Variants in GALNT7 observed in about 807,000 individuals in gnomAD.
GALNT7 encodes N-acetylgalactosaminyltransferase 7.
GALNT7 carries 60 observed loss-of-function variants against 82.1 expected under a neutral mutation model. That is an observed-to-expected ratio of 0.73 (90% confidence interval 0.59 to 0.91). The LOEUF is 0.91. Ranked by LOEUF, GALNT7 falls within the 40% of genes least tolerant of loss-of-function variation. The pLI, the probability that GALNT7 is intolerant of heterozygous loss-of-function variation, is 0.00. For missense variants in GALNT7, 660 were observed against 804.2 expected, an observed-to-expected ratio of 0.82 and a Z score of 2.17; for synonymous variants, 243 against 275.1, an observed-to-expected ratio of 0.88 and a Z score of 1.15.
chr4:173,279,859 C>T (rs1438827142), intron 2 of GALNT7, among the ~76,000 whole-genome samples: 1 of 152,072 alleles, frequency 6.6e-6, no homozygotes, highest in African/African-American at 2.4e-5. Context: ...CCTGTAGTCC[C>T]AGCTCTTCGG....
At chr4:173,227,746 T>C (rs911604929) in intron 1 of GALNT7, among the ~76,000 whole-genome samples, 3 of 152,232 alleles carry the variant, frequency 2.0e-5, no homozygotes, top group African/African-American at 7.2e-5. Flanking sequence ...TTCTCATTGC[T>C]TTTAAGTGAT....
intron 2 of GALNT7, among the ~76,000 whole-genome samples, chr4:173,288,282 C>CAAAAAAAAAAA (rs70944442): frequency 1.5e-3 from 97 of 62,950 alleles, no homozygotes; most frequent in African/African-American, 5.3e-3. Flanking sequence ...GACTCCATCT[C>CAAAAAAAAAAA]AAAAAAAAAA....
At chr4:173,198,620 T>G (rs917813467) in intron 1 of GALNT7, among the ~76,000 whole-genome samples, 1 of 152,232 alleles carries the variant, frequency 6.6e-6, no homozygotes, top group Non-Finnish European at 1.5e-5. Flanking sequence ...GGAATGTAAC[T>G]TTCTCTAACC....
chr4:173,322,710 G>A lies in GALNT7; in HGVS notation c.*993G>A, dbSNP rs2126882615. 1.3e-5 allele frequency: 2 copies of A among 152,296 alleles called. 1 individual carries two copies. The highest frequency in any genetic ancestry group is 4.1e-4 in the South Asian group (2 of 4,828). 9.4% of individuals were successfully genotyped at this position (152,296 alleles called of 1,614,324 possible). The stretch of plus-strand genomic sequence containing the variant: ...ACATCAAAGGTTCATTCTGACTGAG[G>A]TAAGACTTTCCAAGCCCTTGTTAGA... On this transcript the variant is annotated 3_prime_UTR_variant, in exon 12 of 12. Coordinates refer to ENST00000265000, the MANE Select transcript of GALNT7 (RefSeq NM_017423.3).
rs1737910007 is a variant in GALNT7, at chr4:173,323,821, T to C, written c.*2104T>C. On this transcript the variant is annotated 3_prime_UTR_variant, in exon 12 of 12. Transcript: ENST00000265000. The stretch of plus-strand genomic sequence containing the variant: ...CTACACATTTTATAAATTTGATTTA[T>C]GCAGATTTTGATACACTGTATGTTT... 1 of 152,642 alleles carries C rather than the reference T, an allele frequency of 6.6e-6. No individual in the cohort carries two copies. The highest frequency in any genetic ancestry group is 6.5e-5 in the Admixed American group (1 of 15,284). The allele number at this position is 152,642 out of a possible 1,614,324, so 9.5% of individuals were successfully genotyped here. A position where few individuals can be genotyped will look rare whatever the true frequency, so the allele number is the denominator to read the frequency against.
intron 2 of GALNT7, among the ~76,000 whole-genome samples, chr4:173,286,103 C>T (rs1021972726): frequency 4.6e-5 from 7 of 152,298 alleles, no homozygotes; most frequent in Middle Eastern, 3.4e-3. Context: ...ACCCATAGCT[C>T]GGATATCCAC....
intron 2 of GALNT7, among the ~76,000 whole-genome samples, chr4:173,268,530 G>GTT (rs60894562): frequency 0.37 from 19,544 of 52,330 alleles, 8,850 homozygotes; most frequent in East Asian, 0.63. Flanking sequence ...TTTCTCTCTC[G>GTT]TTTTTTTTTT....
At chr4:173,212,502 GACTA>G (rs1189827945) in intron 1 of GALNT7, among the ~76,000 whole-genome samples, 7 of 152,222 alleles carry the variant, frequency 4.6e-5, no homozygotes, top group African/African-American at 1.4e-4. Context: ...AGATTATCTA[GACTA>G]ACTGTCTTTT....
Position 173,318,455 on chromosome 4 carries a change from C to A in GALNT7, c.1732C>A (p.Gln578Lys). ...NQLFRINEANQLMQYDQCLTK... is the reference protein window; with the variant it reads ...NQLFRINEANKLMQYDQCLTK... The stretch of plus-strand genomic sequence containing the variant: ...GCTTTTCAGAATCAATGAAGCAAAT[C>A]AACTCATGCAGTATGACCAGTGTTT... The change falls in exon 11 of 12, where the codon CAA (glutamine) becomes AAA (lysine). Residue 578 changes from glutamine (Q) to lysine (K), a missense_variant. Transcript: ENST00000265000. 1 of 1,602,808 alleles carries A rather than the reference C, an allele frequency of 6.2e-7. No homozygotes were observed. The highest frequency in any genetic ancestry group is 8.5e-7 in the Non-Finnish European group (1 of 1,173,858).
chr4:173,183,821 G>T (rs1029961512), intron 1 of GALNT7, among the ~76,000 whole-genome samples: 2 of 150,866 alleles, frequency 1.3e-5, no homozygotes, highest in Non-Finnish European at 3.0e-5. Flanking sequence ...GCCGGGCGGG[G>T]ACTGTCCCCC....
chr4:173,172,698 GT>G (rs1405018556), intron 1 of GALNT7, among the ~76,000 whole-genome samples: 3 of 152,160 alleles, frequency 2.0e-5, no homozygotes, highest in African/African-American at 7.2e-5. Flanking sequence ...TAATCTGGAA[GT>G]GGGTGGCAGC....
chr4:173,292,284 G>A lies in GALNT7; in HGVS notation c.754+10G>A, dbSNP rs199755438. ...GATTTCAGTAATAAAGGTAATGGCT[G>A]TGAAACTCACATTTTGTCTATAAAA... On this transcript the variant is annotated intron_variant, in intron 3 of 11. Transcript: ENST00000265000. The surrounding 1 kb of genome is among the most constrained non-coding windows in gnomAD (Gnocchi z 4.8). 3.5e-4 allele frequency: 514 copies of A among 1,487,852 alleles called. 8 individuals carry two copies. The South Asian group carries it at 6.2e-3, about 18-fold the overall frequency. The allele number at this position is 1,487,852 out of a possible 1,614,324, so 92.2% of individuals were successfully genotyped here.
chr4:173,305,666 CAT>C (rs1737129551), intron 8 of GALNT7, among the ~76,000 whole-genome samples: 1 of 152,082 alleles, frequency 6.6e-6, no homozygotes. Context: ...TGTTTTCCCT[CAT>C]GTGTTCTCAG....
chr4:173,201,851 A>G (rs1013030604), intron 1 of GALNT7, among the ~76,000 whole-genome samples: 1 of 152,246 alleles, frequency 6.6e-6, no homozygotes, highest in African/African-American at 2.4e-5. Flanking sequence ...ATAGGAAGGC[A>G]GATAACTTCA....
intron 1 of GALNT7, among the ~76,000 whole-genome samples, chr4:173,245,229 A>C (rs941344922): frequency 6.6e-6 from 1 of 152,094 alleles, no homozygotes; most frequent in Non-Finnish European, 1.5e-5. Flanking sequence ...AAAAAAAAAA[A>C]AAAACAACTT....
chr4:173,281,621 G>C (rs1736112634), intron 2 of GALNT7, among the ~76,000 whole-genome samples: 1 of 152,168 alleles, frequency 6.6e-6, no homozygotes, highest in Non-Finnish European at 1.5e-5. Flanking sequence ...TTGTCTCTAG[G>C]TCTCCTGCCC....
At chr4:173,257,181 A>G (rs1194143111) in intron 2 of GALNT7, among the ~76,000 whole-genome samples, 1 of 152,176 alleles carries the variant, frequency 6.6e-6, no homozygotes, top group East Asian at 1.9e-4. Context: ...TCTCATTCTG[A>G]GTTTAAAATT....
intron 1 of GALNT7, among the ~76,000 whole-genome samples, chr4:173,232,393 G>A (rs1026032892): frequency 1.1e-4 from 17 of 151,872 alleles, no homozygotes; most frequent in African/African-American, 2.4e-5. Context: ...CATACAGTGT[G>A]TAATGATCAA....
intron 2 of GALNT7, among the ~76,000 whole-genome samples, chr4:173,266,696 AAAT>A (rs1173687163): frequency 6.6e-6 from 1 of 152,332 alleles, no homozygotes; most frequent in South Asian, 2.1e-4. Flanking sequence ...ACAGATATAA[AAAT>A]AATAAAATCC....
Sources: gnomAD v4.1 joint callset for allele counts (sites outside exome capture counted in the v4.1 genomes callset) on GRCh38, gnomAD v4.1.1 for gene constraint, Gnocchi (gnomAD v3.1) non-coding constraint, MANE v1.5 for transcripts, NCBI Gene and HGNC (gene_info 2026-07-23, HGNC 2026-07-21) for gene names.